RHOBTB1: variants seen among roughly 807,000 people sequenced by gnomAD.
The protein encoded by RHOBTB1 is Rho related BTB domain containing 1.
RHOBTB1 carries 40 observed loss-of-function variants against 71.6 expected under a neutral mutation model. That is an observed-to-expected ratio of 0.56 (90% confidence interval 0.43 to 0.73). RHOBTB1 has a LOEUF of 0.73. Among genes scored for constraint, RHOBTB1 ranks in the 30% least tolerant of loss-of-function variants. The pLI, the probability that RHOBTB1 is intolerant of heterozygous loss-of-function variation, is 0.00. For synonymous variants in RHOBTB1, 319 were observed against 334.9 expected (o/e 0.95, Z 0.52); for missense variants, 797 against 894.0 (o/e 0.89, Z 1.38).
intron 2 of RHOBTB1, among the ~76,000 whole-genome samples, chr10:60,966,812 C>T (rs766490053): frequency 3.0e-4 from 45 of 151,402 alleles, no homozygotes; most frequent in African/African-American, 8.7e-4. Context: ...ACATTAGGTA[C>T]ATCTCCTAAT....
At chr10:60,862,536 C>CTTTT in the RHOBTB1 span, among the ~76,000 whole-genome samples, 21 of 104,094 alleles carry the variant, frequency 2.0e-4, no homozygotes, top group African/African-American at 9.6e-4. Context: ...CCCTTTCTTT[C>CTTTT]TCTTTCTTTC....
chr10:60,980,903 T>C (rs776055422), intron 2 of RHOBTB1, among the ~76,000 whole-genome samples: 1 of 152,212 alleles, frequency 6.6e-6, no homozygotes, highest in East Asian at 1.9e-4. Flanking sequence ...CTCTCTGAAG[T>C]AGGTTACTAC....
upstream of RHOBTB1, among the ~76,000 whole-genome samples, chr10:60,945,976 G>C (rs184772353): frequency 2.6e-3 from 391 of 152,208 alleles, no homozygotes; most frequent in Non-Finnish European, 4.7e-3. Context: ...TCAGGAGTTC[G>C]AAACCAGCCT....
intron 7 of RHOBTB1, among the ~76,000 whole-genome samples, chr10:60,879,533 G>A (rs2081212774): frequency 1.3e-5 from 2 of 151,184 alleles, no homozygotes; most frequent in South Asian, 2.1e-4. Flanking sequence ...TTGTAGAAAT[G>A]GCGGGCTTGC....
intron 2 of RHOBTB1, among the ~76,000 whole-genome samples, chr10:60,965,995 T>C (rs1263204469): frequency 6.6e-6 from 1 of 152,204 alleles, no homozygotes; most frequent in African/African-American, 2.4e-5. Context: ...ACAATAAATA[T>C]ATAATTTTAA....
chr10:60,871,958 C>T (rs1002200374), intron 10 of RHOBTB1: 1 of 619,844 alleles, frequency 1.6e-6, no homozygotes, highest in African/African-American at 1.8e-5. Context: ...CAACAGGGCA[C>T]CCTGGACTCT....
intron 2 of RHOBTB1, among the ~76,000 whole-genome samples, chr10:60,929,434 G>T (rs2084096634): frequency 6.6e-6 from 1 of 151,984 alleles, no homozygotes; most frequent in Non-Finnish European, 1.5e-5. Flanking sequence ...AAAGACTCAG[G>T]TCAAAAACCC....
intron 1 of RHOBTB1, among the ~76,000 whole-genome samples, chr10:60,992,876 G>C (rs2086915778): frequency 1.3e-5 from 2 of 152,104 alleles, no homozygotes; most frequent in Non-Finnish European, 2.9e-5. Flanking sequence ...GCCCCACAGA[G>C]AATGCCACAA....
chr10:60,913,169 T>G (rs2133454047), intron 2 of RHOBTB1, among the ~76,000 whole-genome samples: 1 of 152,352 alleles, frequency 6.6e-6, no homozygotes, highest in South Asian at 2.1e-4. Flanking sequence ...TTAGGACTAT[T>G]GGAACATGGA....
At chr10:60,957,436 C>T (rs564963853) in intron 2 of RHOBTB1, among the ~76,000 whole-genome samples, 12 of 152,232 alleles carry the variant, frequency 7.9e-5, no homozygotes, top group African/African-American at 1.4e-4. Context: ...GGACCGCTGT[C>T]GTATGTGCTG....
chr10:60,903,540 T>C (rs999470637), intron 4 of RHOBTB1, among the ~76,000 whole-genome samples: 13 of 152,186 alleles, frequency 8.5e-5, no homozygotes, highest in African/African-American at 2.7e-4. Flanking sequence ...ATTGTTACTA[T>C]TTGATGAAGA....
intron 2 of RHOBTB1, among the ~76,000 whole-genome samples, chr10:60,923,443 A>C (rs1417560358): frequency 6.6e-6 from 1 of 152,254 alleles, no homozygotes; most frequent in African/African-American, 2.4e-5. Flanking sequence ...CCGTGCTGGC[A>C]ACAGTACATA....
intron 2 of RHOBTB1, among the ~76,000 whole-genome samples, chr10:60,921,583 G>A (rs984515543): frequency 2.6e-5 from 4 of 152,200 alleles, no homozygotes; most frequent in African/African-American, 9.6e-5. Context: ...AACAGAAATT[G>A]TTATTCATCT....
At chr10:60,923,303 A>G (rs952248572) in intron 2 of RHOBTB1, among the ~76,000 whole-genome samples, 4 of 152,246 alleles carry the variant, frequency 2.6e-5, no homozygotes, top group African/African-American at 4.8e-5. Flanking sequence ...CAAACATCTG[A>G]TTCATGTACT....
At chr10:60,988,221 A>G (rs1050235811) in intron 1 of RHOBTB1, among the ~76,000 whole-genome samples, 11 of 152,088 alleles carry the variant, frequency 7.2e-5, no homozygotes, top group African/African-American at 2.4e-4. Context: ...GGCGTGAGCC[A>G]TCACGCCCGG....
intron 1 of RHOBTB1, among the ~76,000 whole-genome samples, chr10:60,986,602 C>T (rs1325433795): frequency 6.6e-6 from 1 of 151,386 alleles, no homozygotes; most frequent in Non-Finnish European, 1.5e-5. Context: ...CCAAAGAAAC[C>T]AAATATTTTA....
At chr10:60,893,058 T>C in intron 4 of RHOBTB1, 63 bp from the exon 5 acceptor site, 13 of 1,292,358 alleles carry the variant, frequency 1.0e-5, no homozygotes, top group Non-Finnish European at 1.4e-5. Flanking sequence ...TTTACCATTA[T>C]GGTTCCTCTC....
chr10:60,864,070 T>G, the RHOBTB1 span, among the ~76,000 whole-genome samples: 1 of 152,154 alleles, frequency 6.6e-6, no homozygotes, highest in Non-Finnish European at 1.5e-5. Flanking sequence ...TATGGCATAG[T>G]CTTTACTCCA....
intron 7 of RHOBTB1, among the ~76,000 whole-genome samples, chr10:60,880,226 A>G (rs1421503257): frequency 6.8e-6 from 1 of 146,300 alleles, no homozygotes; most frequent in Non-Finnish European, 1.5e-5. Context: ...AGAGAGAGAG[A>G]GAGAGAGAGA....
Sources: gnomAD v4.1 joint callset for allele counts (sites outside exome capture counted in the v4.1 genomes callset) on GRCh38, gnomAD v4.1.1 for gene constraint, MANE v1.5 for transcripts, NCBI Gene and HGNC (gene_info 2026-07-23, HGNC 2026-07-21) for gene names.